The following MARCHF3 variants were observed in gnomAD, a reference collection of about 807,000 sequenced individuals.
MARCHF3 encodes the protein membrane associated ring-CH-type finger 3, also known as E3 ubiquitin-protein ligase MARCHF3.
MARCHF3 carries 13 observed loss-of-function variants against 24.2 expected under a neutral mutation model. That is an observed-to-expected ratio of 0.54 (90% CI 0.35 to 0.85). MARCHF3 has a LOEUF of 0.85. Ranked by LOEUF, MARCHF3 falls within the 40% of genes least tolerant of loss-of-function variation. MARCHF3 has a pLI of 0.01. For synonymous variants in MARCHF3, 144 were observed against 137.3 expected, an observed-to-expected ratio of 1.05 and a Z score of -0.34; for missense variants, 276 against 325.0, an observed-to-expected ratio of 0.85 and a Z score of 1.16.
chr5:126,998,684 G>A (rs1438647627), intron 1 of MARCHF3, among the ~76,000 whole-genome samples: 1 of 152,088 alleles, frequency 6.6e-6, no homozygotes, highest in African/African-American at 2.4e-5. Context: ...ATCCTTCCCA[G>A]GTAGCCCACA....
intron 1 of MARCHF3, among the ~76,000 whole-genome samples, chr5:126,997,089 C>T (rs1751972583): frequency 2.6e-5 from 4 of 152,018 alleles, no homozygotes; most frequent in Admixed American, 2.0e-4. Flanking sequence ...ACAGTACTTC[C>T]CAGGGCTGAC....
chr5:126,875,114 GTGGAC>G lies in MARCHF3; in HGVS notation c.603+3066_603+3070del, dbSNP rs981709538. Among the ~76,000 whole-genome samples, 6 of 152,300 alleles carry G rather than the reference GTGGAC, an allele frequency of 3.9e-5. No individual in the cohort carries two copies. In the South Asian group the frequency reaches 1.2e-3, roughly 32 times the overall value. ...TACCGACAATTTCTTCATGTTTAATGTGGACTCAGTTCTCAGCCAGCTCTCTTTGT... is the reference window on the plus strand; with the variant it reads ...TACCGACAATTTCTTCATGTTTAATGTCAGTTCTCAGCCAGCTCTCTTTGT... On this transcript the variant is annotated intron_variant, in intron 4 of 4. Coordinates refer to ENST00000308660, the MANE Select transcript of MARCHF3 (RefSeq NM_178450.5).
At chr5:127,021,827 G>T (rs1193091818) in intron 1 of MARCHF3, among the ~76,000 whole-genome samples, 2 of 152,178 alleles carry the variant, frequency 1.3e-5, no homozygotes, top group Non-Finnish European at 2.9e-5. Context: ...TGAAAAAAGT[G>T]ACAAATGTTG....
intron 3 of MARCHF3, among the ~76,000 whole-genome samples, chr5:126,897,481 G>A (rs964525494): frequency 6.6e-6 from 1 of 152,018 alleles, no homozygotes; most frequent in African/African-American, 2.4e-5. Flanking sequence ...TAACTGTATA[G>A]TTTTAGATAA....
intron 1 of MARCHF3, among the ~76,000 whole-genome samples, chr5:127,019,323 A>AC (rs954935458): frequency 1.3e-5 from 2 of 151,610 alleles, no homozygotes; most frequent in African/African-American, 4.9e-5. Flanking sequence ...GCCAACATCT[A>AC]CCCCCCTACC....
At chr5:126,982,951 A>G (rs560949359) in intron 1 of MARCHF3, among the ~76,000 whole-genome samples, 1 of 152,314 alleles carries the variant, frequency 6.6e-6, no homozygotes, top group Admixed American at 6.5e-5. Context: ...GACTGAGCAT[A>G]CTGGGGACCT....
At chr5:126,924,986 A>G (rs918974557) in intron 1 of MARCHF3, among the ~76,000 whole-genome samples, 1 of 152,194 alleles carries the variant, frequency 6.6e-6, no homozygotes, top group African/African-American at 2.4e-5. Context: ...AGTCTTTACA[A>G]ACATGTCCAT....
At chr5:126,922,064 C>G (rs183481473) in intron 1 of MARCHF3, among the ~76,000 whole-genome samples, 1 of 152,328 alleles carries the variant, frequency 6.6e-6, no homozygotes, top group East Asian at 1.9e-4. Context: ...GAATAGGTTG[C>G]CACTGGTAAG....
intron 1 of MARCHF3, among the ~76,000 whole-genome samples, chr5:126,979,252 C>G (rs1751306983): frequency 6.6e-6 from 1 of 152,176 alleles, no homozygotes; most frequent in Non-Finnish European, 1.5e-5. Flanking sequence ...ACATGGACCA[C>G]ATGTTTCTGT....
chr5:126,883,541 G>T (rs1245349012), intron 3 of MARCHF3, among the ~76,000 whole-genome samples: 2 of 152,142 alleles, frequency 1.3e-5, no homozygotes, highest in Non-Finnish European at 1.5e-5. Context: ...ACAGAAGAGG[G>T]GATTAAAGCA....
At chr5:126,965,372 G>A (rs1026821864) in intron 1 of MARCHF3, among the ~76,000 whole-genome samples, 28 of 152,114 alleles carry the variant, frequency 1.8e-4, no homozygotes, top group African/African-American at 6.8e-4. Flanking sequence ...ATGAACGGTG[G>A]CACTGACTTC....
chr5:126,934,424 T>C (rs1480772548), intron 1 of MARCHF3, among the ~76,000 whole-genome samples: 1 of 151,704 alleles, frequency 6.6e-6, no homozygotes, highest in Non-Finnish European at 1.5e-5. Flanking sequence ...TATTTGATGG[T>C]AGCCTCTATT....
intron 1 of MARCHF3, chr5:126,946,149 T>A (rs1750001246): frequency 6.6e-6 from 1 of 152,044 alleles, no homozygotes; most frequent in South Asian, 2.1e-4. Flanking sequence ...GGTGGGTGGA[T>A]CACTTGAGGC....
At position 127,026,579 on chromosome 5, in the gene MARCHF3, A is replaced by C. The variant is rs181509908; in HGVS notation, c.-57+3771T>G. On this transcript the variant is annotated intron_variant, in intron 1 of 4. Transcript: ENST00000308660. ...AAGAAACAATTTGAAGAAAAAGGTT[A>C]AAAAATTGTAGATGATATGAACGAC... Among the ~76,000 whole-genome samples the C allele has an allele frequency of 5.3e-5, 8 of 152,376 alleles. No homozygotes were observed. The East Asian group carries it at 1.5e-3, about 29-fold the overall frequency.
intron 3 of MARCHF3, among the ~76,000 whole-genome samples, chr5:126,882,837 G>A (rs188169108): frequency 6.6e-6 from 1 of 152,208 alleles, no homozygotes; most frequent in East Asian, 1.9e-4. Context: ...AATAATCTTA[G>A]AATCATTATT....
chr5:126,923,271 A>T (rs1749185186), intron 1 of MARCHF3, among the ~76,000 whole-genome samples: 1 of 152,226 alleles, frequency 6.6e-6, no homozygotes, highest in East Asian at 1.9e-4. Flanking sequence ...GCATGTGATA[A>T]ATACACTAGA....
chr5:126,967,778 G>A (rs955909612), intron 1 of MARCHF3, among the ~76,000 whole-genome samples: 2 of 152,052 alleles, frequency 1.3e-5, no homozygotes, highest in Non-Finnish European at 2.9e-5. Context: ...TAACCCCATA[G>A]ACCACATCCA....
At chr5:126,874,585 T>TC (rs1753081922) in intron 4 of MARCHF3, among the ~76,000 whole-genome samples, 1 of 126,040 alleles carries the variant, frequency 7.9e-6, no homozygotes, top group Non-Finnish European at 1.6e-5. Flanking sequence ...AAACTCCCTC[T>TC]CAAAAAAAAA....
intron 1 of MARCHF3, among the ~76,000 whole-genome samples, chr5:126,926,274 G>C (rs570100214): frequency 9.2e-5 from 14 of 152,246 alleles, no homozygotes; most frequent in African/African-American, 3.4e-4. Flanking sequence ...CTACAGGGAG[G>C]CTGCAGTCTT....
Sources: gnomAD v4.1 joint callset for allele counts (sites outside exome capture counted in the v4.1 genomes callset) on GRCh38, gnomAD v4.1.1 for gene constraint, MANE v1.5 for transcripts, NCBI Gene and HGNC (gene_info 2026-07-23, HGNC 2026-07-21) for gene names.